Variants in KIAA1671 observed in about 807,000 individuals in gnomAD.
KIAA1671 encodes KIAA1671.
Under a neutral mutation model 131.2 loss-of-function variants are expected in KIAA1671, and 52 were observed. That is an observed-to-expected ratio of 0.40 (90% CI 0.32 to 0.50). KIAA1671 has a LOEUF of 0.50. Among genes scored for constraint, KIAA1671 ranks in the 20% least tolerant of loss-of-function variants. The pLI, the probability that KIAA1671 is intolerant of heterozygous loss-of-function variation, is 0.73. For synonymous variants in KIAA1671, 1,003 were observed against 961.6 expected, an observed-to-expected ratio of 1.04 and a Z score of -0.80; for missense variants, 2,360 against 2,364.2, an observed-to-expected ratio of 1.00 and a Z score of 0.04.
chr22:25,109,595 T>G (rs1931227627), intron 6 of KIAA1671, among the ~76,000 whole-genome samples: 1 of 152,204 alleles, frequency 6.6e-6, no homozygotes, highest in Non-Finnish European at 1.5e-5. Flanking sequence ...GGTACATGAT[T>G]TCACCTCTGT....
intron 6 of KIAA1671, among the ~76,000 whole-genome samples, chr22:25,093,810 CTGTCTCTCTCTCTTTCTCTCTCTGTCTGT>C (rs1930230350): frequency 9.0e-6 from 1 of 111,060 alleles, no homozygotes; most frequent in Non-Finnish European, 1.9e-5. Context: ...CTCTCTCTCT[CTGTCTCTCTCTCTTTCTCTCTCTGTCTGT>C]CTCTCTCTCT....
At chr22:25,142,728 C>T (rs1392794841) in intron 6 of KIAA1671, among the ~76,000 whole-genome samples, 1 of 152,114 alleles carries the variant, frequency 6.6e-6, no homozygotes, top group Non-Finnish European at 1.5e-5. Context: ...AAAAATTAGC[C>T]AGGTGTGGTG....
At chr22:25,130,719 C>T (rs923460849) in intron 6 of KIAA1671, among the ~76,000 whole-genome samples, 1 of 152,176 alleles carries the variant, frequency 6.6e-6, no homozygotes, top group Non-Finnish European at 1.5e-5. Context: ...GTGCCTTTCC[C>T]GGCACCTGCA....
chr22:24,976,193 C>G (rs555615387), intron 1 of KIAA1671, among the ~76,000 whole-genome samples: 8 of 152,202 alleles, frequency 5.3e-5, no homozygotes, highest in Non-Finnish European at 1.0e-4. Flanking sequence ...GCTCCACATT[C>G]GGCAGTTCCC....
rs8137284 is a variant in KIAA1671 at position 24,972,202 on chromosome 22, C to G, written c.-208+19430C>G. Among the ~76,000 whole-genome samples the G allele has an allele frequency of 4.0e-3, 611 of 152,234 alleles. 3 individuals carry two copies. The highest frequency in any genetic ancestry group is 0.014 in the African/African-American group (562 of 41,516). On this transcript the variant is annotated intron_variant, in intron 1 of 12. Coordinates refer to ENST00000358431, the MANE Select transcript of KIAA1671 (RefSeq NM_001145206.2). ...GATATATTACAGTGGTTAACAACAA[C>G]TAAAATATTGATCATAAACATGGTT...
At chr22:25,002,103 A>G (rs1216462770) in intron 1 of KIAA1671, among the ~76,000 whole-genome samples, 1 of 152,096 alleles carries the variant, frequency 6.6e-6, no homozygotes, top group African/African-American at 2.4e-5. Context: ...ACCCTTTCCC[A>G]TTGTCCTGCC....
intron 1 of KIAA1671, among the ~76,000 whole-genome samples, chr22:24,989,920 T>C (rs529545533): frequency 6.6e-6 from 1 of 152,208 alleles, no homozygotes; most frequent in East Asian, 1.9e-4. Context: ...CTTGTTGGGT[T>C]TTGGGATCAA....
intron 10 of KIAA1671, among the ~76,000 whole-genome samples, chr22:25,182,755 T>A (rs1022746988): frequency 2.0e-5 from 3 of 152,192 alleles, no homozygotes; most frequent in Admixed American, 1.3e-4. Context: ...AGAATCCAAC[T>A]GGTGACGCTC....
chr22:25,062,089 G>C (rs1602108073), intron 6 of KIAA1671: 1 of 148,298 alleles, frequency 6.7e-6, no homozygotes, highest in Admixed American at 6.8e-5. Flanking sequence ...GTCTGGCCAT[G>C]TTGCCAAGGC....
At chr22:24,954,488 C>A (rs1200431119) in intron 1 of KIAA1671, among the ~76,000 whole-genome samples, 1 of 152,198 alleles carries the variant, frequency 6.6e-6, no homozygotes, top group Non-Finnish European at 1.5e-5. Context: ...AGTTTCAATG[C>A]AGTGTCTGGA....
At chr22:25,103,967 A>G (rs189181075) in intron 6 of KIAA1671, among the ~76,000 whole-genome samples, 73 of 152,128 alleles carry the variant, frequency 4.8e-4, no homozygotes, top group African/African-American at 1.7e-3. Flanking sequence ...CCACTGTACC[A>G]CCTTCTTTTT....
chr22:25,123,190 G>GTT (rs59051108), intron 6 of KIAA1671, among the ~76,000 whole-genome samples: 183 of 63,364 alleles, frequency 2.9e-3, no homozygotes, highest in East Asian at 5.9e-3. Flanking sequence ...CTGAGATGAG[G>GTT]TTTTTTTTTT....
At chr22:25,065,070 G>A (rs563639641) in intron 6 of KIAA1671, 2 of 152,438 alleles carry the variant, frequency 1.3e-5, no homozygotes, top group South Asian at 4.1e-4. Flanking sequence ...CCTGGCAGAG[G>A]GCACTGCCTG....
At chr22:25,087,239 C>T (rs1929773819) in intron 6 of KIAA1671, among the ~76,000 whole-genome samples, 1 of 150,690 alleles carries the variant, frequency 6.6e-6, no homozygotes, top group African/African-American at 2.4e-5. Context: ...CTGAATCTGC[C>T]CACTCTTAGA....
chr22:25,041,945 T>G (rs1479215166), intron 5 of KIAA1671, among the ~76,000 whole-genome samples: 1 of 151,926 alleles, frequency 6.6e-6, no homozygotes, highest in Non-Finnish European at 1.5e-5. Context: ...GGTTTTGCCA[T>G]GTTGCCCAGG....
At chr22:24,998,425 G>T (rs1602055696) in intron 1 of KIAA1671, among the ~76,000 whole-genome samples, 1 of 150,986 alleles carries the variant, frequency 6.6e-6, no homozygotes, top group South Asian at 2.1e-4. Flanking sequence ...AAAAATAAAA[G>T]AAATTGCATT....
At position 25,028,253 on chromosome 22, in the gene KIAA1671, G is replaced by T; in HGVS notation, c.254G>T (p.Arg85Leu). The change falls in exon 3 of 13, where the codon CGG becomes CTG. Residue 85 changes from arginine (R) to leucine (L), a missense_variant. Arg to Leu is a moderately radical substitution (Grantham distance 102, BLOSUM62 -2). Around this residue, in one of 3 missense-constraint regions of KIAA1671, gnomAD observed 1,185 missense variants for 1,126.2 expected, o/e 1.05. Transcript: ENST00000358431. ...QDVKSPVPSL[R>L]PSSTGPSPSG... ...GTGAAATCTCCTGTCCCGTCTCTGC[G>T]GCCCAGTTCGACTGGACCTTCCCCC... The T allele has an allele frequency of 1.3e-6, 2 of 1,551,588 alleles. No homozygotes were observed. The highest frequency in any genetic ancestry group is 2.4e-5 in the South Asian group (2 of 84,062).
chr22:24,996,356 T>C (rs539590876), intron 1 of KIAA1671, among the ~76,000 whole-genome samples: 8 of 152,120 alleles, frequency 5.3e-5, no homozygotes, highest in African/African-American at 1.9e-4. Context: ...CCTCCCCACA[T>C]GTGCACTCAC....
chr22:25,125,891 C>CTA (rs1406537829), intron 6 of KIAA1671, among the ~76,000 whole-genome samples: 9 of 152,140 alleles, frequency 5.9e-5, no homozygotes, highest in Non-Finnish European at 1.3e-4. Context: ...TTTGGAATAC[C>CTA]CTTTTAGGTA....
Sources: gnomAD v4.1 joint callset for allele counts (sites outside exome capture counted in the v4.1 genomes callset) on GRCh38, gnomAD v4.1.1 for gene constraint, gnomAD v4.1.1 regional missense constraint, MANE v1.5 for transcripts, NCBI Gene and HGNC (gene_info 2026-07-23, HGNC 2026-07-21) for gene names.